UBAP2: variants seen among roughly 807,000 people sequenced by gnomAD.
UBAP2 encodes ubiquitin-associated protein 2.
A neutral mutation model predicts 139.6 loss-of-function variants in UBAP2; 75 were observed. That is an observed-to-expected ratio of 0.54 (90% CI 0.45 to 0.65). UBAP2 has a LOEUF of 0.65. Among genes scored for constraint, UBAP2 ranks in the 30% least tolerant of loss-of-function variants. UBAP2 has a pLI of 0.00. For missense variants in UBAP2, 1,368 were observed against 1,369.6 expected (o/e 1.00, Z 0.02); for synonymous variants, 526 against 526.2 (o/e 1.00, Z 0.01).
At chr9:33,960,505 G>C (rs1826957971) in intron 10 of UBAP2, among the ~76,000 whole-genome samples, 1 of 152,110 alleles carries the variant, frequency 6.6e-6, no homozygotes, top group African/African-American at 2.4e-5. Context: ...GCCAGGCGCA[G>C]TGTCTCACGC....
chr9:34,035,514 A>ATATATAT (rs1554692767), intron 1 of UBAP2, among the ~76,000 whole-genome samples: 1 of 22,472 alleles, frequency 4.4e-5, no homozygotes, highest in Non-Finnish European at 9.8e-5. Context: ...AAAAAAAAAA[A>ATATATAT]ATATATATAT....
At chr9:33,959,396 C>T (rs1277226382) in intron 10 of UBAP2, among the ~76,000 whole-genome samples, 1 of 152,236 alleles carries the variant, frequency 6.6e-6, no homozygotes, top group Non-Finnish European at 1.5e-5. Flanking sequence ...GAGAAAAAGA[C>T]AGAATCTCAA....
chr9:34,000,089 A>C (rs1276679015), intron 2 of UBAP2, among the ~76,000 whole-genome samples: 2 of 151,982 alleles, frequency 1.3e-5, no homozygotes, highest in African/African-American at 4.8e-5. Flanking sequence ...CTGGGATTAC[A>C]GGCGCCTGTC....
intron 6 of UBAP2, among the ~76,000 whole-genome samples, chr9:33,978,254 C>T (rs978666694): frequency 1.3e-5 from 2 of 151,886 alleles, no homozygotes; most frequent in African/African-American, 2.4e-5. Context: ...TAAACGTAAG[C>T]TGGGTCTGGT....
chr9:34,013,884 AAAAG>A (rs1051740142), intron 2 of UBAP2, among the ~76,000 whole-genome samples: 1 of 152,072 alleles, frequency 6.6e-6, no homozygotes, highest in Non-Finnish European at 1.5e-5. Flanking sequence ...CTCAAAAAAA[AAAAG>A]AAAGAAAAAA....
At chr9:34,046,542 G>A (rs548006745) in intron 1 of UBAP2, among the ~76,000 whole-genome samples, 1 of 151,246 alleles carries the variant, frequency 6.6e-6, no homozygotes, top group East Asian at 2.0e-4. Flanking sequence ...TACTCGGGAG[G>A]CTGAGCCAGG....
rs765965349 is a variant in UBAP2 at position 33,971,710 on chromosome 9, A to G, written c.620T>C (p.Val207Ala). The G allele has an allele frequency of 6.8e-6, 11 of 1,612,776 alleles. No individual in the cohort carries two copies. The highest frequency in any genetic ancestry group is 3.3e-4 in the Middle Eastern group (2 of 6,062). The change falls in exon 8 of 29, where the codon GTG (valine) becomes GCG (alanine). Residue 207 changes from valine (V) to alanine (A), a missense_variant. By Grantham distance (64) the Val-to-Ala change is moderately conservative (BLOSUM62 0). Coordinates refer to ENST00000379238, the MANE Select transcript of UBAP2 (RefSeq NM_001370062.2). ...CCAAACTACTAGCTTTGTCCCACAC[A>G]CATCTGTAGATGTAGAATCTGAATA... ...ADYSDSTSTD[V>A]CGTKLVVWEA...
chr9:33,969,827 T>C (rs369758822), intron 8 of UBAP2, among the ~76,000 whole-genome samples: 2 of 146,018 alleles, frequency 1.4e-5, no homozygotes, highest in Non-Finnish European at 1.5e-5. Flanking sequence ...GATCGTGCCA[T>C]TGCACTCCAG....
Position 33,942,534 on chromosome 9 carries a change from T to G in UBAP2, c.1716-672A>C, listed in dbSNP as rs573233438. Among the ~76,000 whole-genome samples, 71 of 151,844 alleles carry G rather than the reference T, an allele frequency of 4.7e-4. No individual in the cohort carries two copies. In the South Asian group the frequency reaches 0.015, roughly 31 times the overall value. ...ATTGAGCTCCAGAGTTTGAGGCCAG[T>G]CTGGGCAACATGACGAAACCCTGTC... On this transcript the variant is annotated intron_variant, in intron 15 of 28. Coordinates refer to ENST00000379238, the MANE Select transcript of UBAP2 (RefSeq NM_001370062.2).
intron 6 of UBAP2, among the ~76,000 whole-genome samples, chr9:33,981,756 A>C (rs569011735): frequency 6.8e-6 from 1 of 146,358 alleles, no homozygotes; most frequent in Non-Finnish European, 1.5e-5. Context: ...GGAAGGATGG[A>C]AGGTAGGTAG....
At chr9:33,968,781 T>G (rs570160164) in intron 8 of UBAP2, among the ~76,000 whole-genome samples, 140 of 152,334 alleles carry the variant, frequency 9.2e-4, no homozygotes, top group African/African-American at 3.3e-3. Context: ...CCTCTAATTC[T>G]AGAACATTTT....
At chr9:34,035,298 T>C (rs1392522046) in intron 1 of UBAP2, among the ~76,000 whole-genome samples, 2 of 148,648 alleles carry the variant, frequency 1.3e-5, no homozygotes, top group African/African-American at 4.9e-5. Flanking sequence ...AGGTCAGGAG[T>C]TCAAGACCAG....
intron 6 of UBAP2, among the ~76,000 whole-genome samples, chr9:33,985,691 A>G (rs1821146718): frequency 6.6e-6 from 1 of 152,084 alleles, no homozygotes; most frequent in South Asian, 2.1e-4. Flanking sequence ...TGGGGAATAA[A>G]GAGAGATTGG....
chr9:33,992,543 G>C (rs1433222244), intron 4 of UBAP2, among the ~76,000 whole-genome samples: 1 of 151,314 alleles, frequency 6.6e-6, no homozygotes, highest in Non-Finnish European at 1.5e-5. Flanking sequence ...CTGGGTGACA[G>C]CGCAAGACTC....
chr9:34,016,161 A>AGAGGAGGAG (rs571025660), intron 2 of UBAP2, among the ~76,000 whole-genome samples: 2 of 149,240 alleles, frequency 1.3e-5, no homozygotes, highest in South Asian at 2.1e-4. Flanking sequence ...GTGAAAGGGG[A>AGAGGAGGAG]GAGGAGGAGG....
At chr9:33,943,717 G>A in intron 14 of UBAP2, 128 bp from the exon 15 acceptor site, 4 of 778,440 alleles carry the variant, frequency 5.1e-6, no homozygotes, top group Admixed American at 2.8e-5. Context: ...TGAGAAACAA[G>A]GAGAAAATAG....
chr9:34,003,079 G>A (rs1407020070), intron 2 of UBAP2, among the ~76,000 whole-genome samples: 1 of 137,232 alleles, frequency 7.3e-6, no homozygotes, highest in Non-Finnish European at 1.6e-5. Context: ...TTCTTTTTTT[G>A]AGACGAAGTC....
chr9:33,957,607 T>C (rs1359596452), intron 10 of UBAP2, among the ~76,000 whole-genome samples: 1 of 152,238 alleles, frequency 6.6e-6, no homozygotes, highest in Non-Finnish European at 1.5e-5. Flanking sequence ...GATAAATTTT[T>C]TGAAACCTCA....
intron 6 of UBAP2, among the ~76,000 whole-genome samples, chr9:33,978,338 C>G (rs1453003461): frequency 1.3e-5 from 2 of 151,926 alleles, no homozygotes; most frequent in East Asian, 3.9e-4. Flanking sequence ...AGTTTGAGAT[C>G]ACCCTGGGCA....
Sources: allele counts gnomAD v4.1 joint callset (sites outside exome capture counted in the v4.1 genomes callset), GRCh38; gene constraint gnomAD v4.1.1; transcripts MANE v1.5; gene names NCBI Gene and HGNC (gene_info 2026-07-23, HGNC 2026-07-21).